TBC1D22A: variants seen among roughly 807,000 people sequenced by gnomAD.
TBC1D22A encodes TBC1 domain family member 22A.
In TBC1D22A, 38 loss-of-function variants were observed where a neutral mutation model predicts 60.2. The observed-to-expected ratio is 0.63, with a 90% CI of 0.49 to 0.83. The LOEUF is 0.83. Among genes scored for constraint, TBC1D22A ranks in the 40% least tolerant of loss-of-function variants. The probability of loss-of-function intolerance (pLI) is 0.00; values close to 1 mark genes in which losing one functional copy is unlikely to be tolerated. For missense variants in TBC1D22A, 628 were observed against 701.0 expected (o/e 0.90, Z 1.18); for synonymous variants, 302 against 281.7 (o/e 1.07, Z -0.72).
At chr22:47,155,018 C>T (rs960296469) in intron 12 of TBC1D22A, among the ~76,000 whole-genome samples, 2 of 152,270 alleles carry the variant, frequency 1.3e-5, no homozygotes, top group Non-Finnish European at 2.9e-5. Flanking sequence ...CCCCAAACAC[C>T]GCAAGGCAGG....
At chr22:46,975,917 G>A (rs753730699) in intron 9 of TBC1D22A, among the ~76,000 whole-genome samples, 2 of 152,296 alleles carry the variant, frequency 1.3e-5, no homozygotes, top group Admixed American at 6.5e-5. Flanking sequence ...CAGACTCCTC[G>A]TGACTTACTT....
rs999798497 is a variant in TBC1D22A, at chr22:46,762,699, C to T, written c.-88C>T. 1 of 1,202,894 alleles carries T rather than the reference C, an allele frequency of 8.3e-7. No individual in the cohort carries two copies. The highest frequency in any genetic ancestry group is 1.1e-6 in the Non-Finnish European group (1 of 911,928). The allele number at this position is 1,202,894 out of a possible 1,614,324, so 74.5% of individuals were successfully genotyped here. ...CTGGAGTCCCGGGAGCAGTGAGGGG[C>T]CACCCGGGGCACAGGAAAGGGCCGC... On this transcript the variant is annotated 5_prime_UTR_variant, in exon 1 of 13. Transcript: ENST00000337137.
chr22:47,091,535 C>T (rs556584856), intron 11 of TBC1D22A, among the ~76,000 whole-genome samples: 1 of 129,442 alleles, frequency 7.7e-6, no homozygotes, highest in Non-Finnish European at 1.6e-5. Context: ...CAGGAGAAGT[C>T]GTCTTTGGGG....
At chr22:46,851,590 G>A (rs867934268) in intron 4 of TBC1D22A, among the ~76,000 whole-genome samples, 10 of 152,382 alleles carry the variant, frequency 6.6e-5, no homozygotes, top group Non-Finnish European at 1.2e-4. Flanking sequence ...TGTTCTGCCC[G>A]GTTAAGGACA....
chr22:47,015,138 G>A lies in TBC1D22A; in HGVS notation c.1201+17429G>A, dbSNP rs554942279. Among the ~76,000 whole-genome samples, 26 of 152,336 alleles carry A rather than the reference G, an allele frequency of 1.7e-4. No homozygotes were observed. In the South Asian group the frequency reaches 4.1e-3, roughly 24 times the overall value. On this transcript the variant is annotated intron_variant, in intron 10 of 12. Transcript: ENST00000337137. Reference sequence around the variant, plus strand: ...GTTTTGGGGGCACAGAGCCACCGTCGGAGTCACACATCGCACACACCCAGC... The same window carrying A: ...GTTTTGGGGGCACAGAGCCACCGTCAGAGTCACACATCGCACACACCCAGC...
chr22:46,772,044 T>TACAC (rs1366990178), intron 1 of TBC1D22A, among the ~76,000 whole-genome samples: 1 of 146,554 alleles, frequency 6.8e-6, no homozygotes, highest in Non-Finnish European at 1.5e-5. Context: ...TTCCATCGTA[T>TACAC]ATATACATAT....
chr22:46,955,913 G>C (rs2073162325), intron 8 of TBC1D22A, among the ~76,000 whole-genome samples: 1 of 152,204 alleles, frequency 6.6e-6, no homozygotes, highest in Non-Finnish European at 1.5e-5. Context: ...GGAGGCAAAT[G>C]TTTGCATGAG....
intron 4 of TBC1D22A, among the ~76,000 whole-genome samples, chr22:46,834,142 A>G (rs2147172498): frequency 6.6e-6 from 1 of 152,324 alleles, no homozygotes; most frequent in Admixed American, 6.5e-5. Context: ...ATCCTGATTA[A>G]GAGGAATGAA....
At chr22:46,955,449 G>A (rs1040695276) in intron 8 of TBC1D22A, among the ~76,000 whole-genome samples, 2 of 152,242 alleles carry the variant, frequency 1.3e-5, no homozygotes, top group African/African-American at 4.8e-5. Flanking sequence ...ATATGTATCA[G>A]CAGAGGCCGT....
intron 4 of TBC1D22A, among the ~76,000 whole-genome samples, chr22:46,829,312 G>C (rs1214716059): frequency 1.3e-5 from 2 of 152,182 alleles, no homozygotes; most frequent in Non-Finnish European, 2.9e-5. Context: ...ATATTACGTA[G>C]GTACCTGGTG....
At chr22:46,934,173 A>G (rs1244471383) in intron 8 of TBC1D22A, among the ~76,000 whole-genome samples, 2 of 152,226 alleles carry the variant, frequency 1.3e-5, no homozygotes. Context: ...AGTTTTCATG[A>G]TCAAAATTAA....
In TBC1D22A at chr22:46,768,597, C is replaced by T. The variant is rs1462748753; in HGVS notation, c.62+5749C>T. On this transcript the variant is annotated intron_variant, in intron 1 of 12. Coordinates refer to ENST00000337137, the MANE Select transcript of TBC1D22A (RefSeq NM_014346.5). ...TTGGCTCCCGAAGGGCTGTTGCTTT[C>T]CGCAGTTGCAGTTGGAATTCTCGCC... 3.3e-5 allele frequency among the ~76,000 whole-genome samples: 5 copies of T among 152,212 alleles called. No homozygotes were observed. The East Asian group carries it at 7.7e-4, about 23-fold the overall frequency.
chr22:47,067,037 G>A (rs949473217), intron 11 of TBC1D22A, among the ~76,000 whole-genome samples: 2 of 152,166 alleles, frequency 1.3e-5, no homozygotes, highest in Admixed American at 6.5e-5. Flanking sequence ...AGGCTGAGAC[G>A]GGCGGATCAT....
At chr22:46,871,159 T>C (rs547287288) in intron 4 of TBC1D22A, among the ~76,000 whole-genome samples, 1 of 152,310 alleles carries the variant, frequency 6.6e-6, no homozygotes, top group Admixed American at 6.5e-5. Flanking sequence ...AAGGATCAAT[T>C]CCTTAAGTAG....
intron 9 of TBC1D22A, among the ~76,000 whole-genome samples, chr22:46,977,941 T>G (rs1319411716): frequency 6.6e-6 from 1 of 152,192 alleles, no homozygotes; most frequent in African/African-American, 2.4e-5. Context: ...AACATGAGAT[T>G]TGGGTGGGGA....
rs745588146 is a variant in TBC1D22A at position 46,894,863 on chromosome 22, G to A, written c.900+17G>A. On this transcript the variant is annotated intron_variant, in intron 7 of 12. Transcript: ENST00000337137. ...GTGACGGAGGTAAGAAGCTCTTGCC[G>A]TGGGGAGTTCCCCTCGTTGGGAGTG... is the stretch of plus-strand genomic sequence containing the variant. 8.7e-6 allele frequency: 14 copies of A among 1,614,010 alleles called. 1 individual carries two copies. The highest frequency in any genetic ancestry group is 1.6e-4 in the Middle Eastern group (1 of 6,062).
chr22:47,121,396 C>G (rs1199079977), intron 12 of TBC1D22A, among the ~76,000 whole-genome samples: 1 of 152,154 alleles, frequency 6.6e-6, no homozygotes, highest in African/African-American at 2.4e-5. Context: ...TGGCAGCAGC[C>G]TGCATATCCA....
chr22:46,803,611 C>G (rs1006800441), intron 4 of TBC1D22A, among the ~76,000 whole-genome samples: 3 of 152,192 alleles, frequency 2.0e-5, no homozygotes, highest in African/African-American at 7.2e-5. Context: ...GTGGGGGGTG[C>G]TTACACTTGC....
intron 11 of TBC1D22A, among the ~76,000 whole-genome samples, chr22:47,094,850 G>A (rs1412993894): frequency 3.9e-5 from 6 of 152,036 alleles, no homozygotes; most frequent in African/African-American, 7.2e-5. Flanking sequence ...AGGAGAACCC[G>A]TCCTGTGACT....
Sources: allele counts gnomAD v4.1 joint callset (sites outside exome capture counted in the v4.1 genomes callset), GRCh38; gene constraint gnomAD v4.1.1; transcripts MANE v1.5; gene names NCBI Gene and HGNC (gene_info 2026-07-23, HGNC 2026-07-21).